PAPPA: variants seen among roughly 807,000 people sequenced by gnomAD.
PAPPA encodes the protein pappalysin 1, also known as pappalysin-1.
Under a neutral mutation model 164.0 loss-of-function variants are expected in PAPPA, and 60 were observed. That is an observed-to-expected ratio of 0.37 (90% confidence interval 0.30 to 0.45). The LOEUF (loss-of-function observed/expected upper bound fraction) is 0.45. Among genes scored for constraint, PAPPA ranks in the 20% least tolerant of loss-of-function variants. The pLI, the probability that PAPPA is intolerant of heterozygous loss-of-function variation, is 1.00. For missense variants in PAPPA, 1,782 were observed against 2,087.3 expected, an observed-to-expected ratio of 0.85 and a Z score of 2.85; for synonymous variants, 875 against 814.1, an observed-to-expected ratio of 1.07 and a Z score of -1.27.
At chr9:116,380,333 G>T (rs546618322) in intron 20 of PAPPA, among the ~76,000 whole-genome samples, 1 of 152,282 alleles carries the variant, frequency 6.6e-6, no homozygotes, top group South Asian at 2.1e-4. Context: ...TGGATAGGTG[G>T]ATGAAAGGAT....
chr9:116,220,223 C>A (rs1471471218), intron 5 of PAPPA, 94 bp downstream of exon 5: 8 of 956,092 alleles, frequency 8.4e-6, no homozygotes, highest in African/African-American at 1.6e-5. Context: ...AGGGATTTTA[C>A]TGCATTTCTT....
intron 19 of PAPPA, among the ~76,000 whole-genome samples, chr9:116,368,969 C>T (rs1223844320): frequency 2.0e-5 from 3 of 152,156 alleles, no homozygotes; most frequent in Admixed American, 6.5e-5. Flanking sequence ...TGCTCCTCCA[C>T]TCCTTTCTGC....
chr9:116,269,836 A>G (rs1051484034), intron 8 of PAPPA, among the ~76,000 whole-genome samples: 2 of 152,206 alleles, frequency 1.3e-5, no homozygotes, highest in African/African-American at 4.8e-5. Context: ...GGCAATTTCC[A>G]GCAAGCAAGA....
At chr9:116,326,392 T>G (rs1845920866) in intron 10 of PAPPA, among the ~76,000 whole-genome samples, 1 of 152,138 alleles carries the variant, frequency 6.6e-6, no homozygotes, top group Non-Finnish European at 1.5e-5. Context: ...GAATAAGGGC[T>G]GGGGAAGCTG....
intron 7 of PAPPA, among the ~76,000 whole-genome samples, chr9:116,242,556 T>G (rs1294793338): frequency 6.6e-6 from 1 of 152,220 alleles, no homozygotes; most frequent in Non-Finnish European, 1.5e-5. Flanking sequence ...CTGCAGGTAA[T>G]TTAGCCATAC....
intron 2 of PAPPA, among the ~76,000 whole-genome samples, chr9:116,202,442 G>A (rs574004729): frequency 6.6e-6 from 1 of 152,122 alleles, no homozygotes; most frequent in African/African-American, 2.4e-5. Context: ...TGCACTCATG[G>A]CTTTGAAATG....
intron 2 of PAPPA, among the ~76,000 whole-genome samples, chr9:116,199,268 G>T (rs148634903): frequency 6.6e-6 from 1 of 152,322 alleles, no homozygotes; most frequent in African/African-American, 2.4e-5. Context: ...ACTCAGCAAA[G>T]GACATGCCGT....
chr9:116,305,473 A>T lies in PAPPA; in HGVS notation c.3147+2523A>T, dbSNP rs74308262. Among the ~76,000 whole-genome samples the T allele has an allele frequency of 8.9e-3, 72 of 8,116 alleles. No individual in the cohort carries two copies. The South Asian group carries it at 0.22, about 24-fold the overall frequency. The allele number at this position is 8,116 out of a possible 152,430, so 5.3% of individuals were successfully genotyped here. A position where few individuals can be genotyped will look rare whatever the true frequency, so the allele number is the denominator to read the frequency against. ...TCTCCCTCTTCTCTCTCTCTCTCTC[A>T]CACACACACACACACACATACATAC... On this transcript the variant is annotated intron_variant, in intron 10 of 21. Transcript: ENST00000328252.
chr9:116,382,798 G>A (rs1372875691), intron 21 of PAPPA, among the ~76,000 whole-genome samples: 1 of 152,006 alleles, frequency 6.6e-6, no homozygotes, highest in East Asian at 1.9e-4. Flanking sequence ...CTAGGCAAGG[G>A]GTCAGAGAAG....
chr9:116,231,779 G>T (rs867332172), intron 6 of PAPPA, among the ~76,000 whole-genome samples: 33 of 1,496 alleles, frequency 0.022, no homozygotes, highest in Non-Finnish European at 0.048. Context: ...TTTTTTTTTT[G>T]AGATGGAGTT....
At position 116,187,912 on chromosome 9, in the gene PAPPA, T is replaced by G; in HGVS notation, c.1174T>G (p.Ser392Ala). The change falls in exon 2 of 22, where the codon TCC (serine) becomes GCC (alanine). Residue 392 changes from serine to alanine, a missense_variant. Coordinates refer to ENST00000328252, the MANE Select transcript of PAPPA (RefSeq NM_002581.5). The surrounding 1 kb of genome is among the most constrained non-coding windows in gnomAD (Gnocchi z 4.2). Reference sequence around the variant, plus strand: ...TGAGGCCTTCAAGCAATACAACATCTCCTGGGAGCTGGACGTGCTGGAGGT... The same window carrying G: ...TGAGGCCTTCAAGCAATACAACATCGCCTGGGAGCTGGACGTGCTGGAGGT... Reference protein sequence around the residue: ...LAEAFKQYNISWELDVLEVSN... With the variant: ...LAEAFKQYNIAWELDVLEVSN... The G allele has an allele frequency of 6.2e-7, 1 of 1,614,042 alleles. No homozygotes were observed. Among genetic ancestry groups the G allele is most frequent in the East Asian group, 2.2e-5 (1 of 44,878 alleles).
intron 7 of PAPPA, among the ~76,000 whole-genome samples, chr9:116,240,204 A>G (rs775516560): frequency 2.6e-5 from 4 of 152,206 alleles, no homozygotes; most frequent in Non-Finnish European, 5.9e-5. Context: ...TTCACTGGGT[A>G]TCTATTAGGT....
intron 1 of PAPPA, among the ~76,000 whole-genome samples, chr9:116,164,098 T>C (rs1843696431): frequency 6.6e-6 from 1 of 152,274 alleles, no homozygotes; most frequent in Middle Eastern, 3.4e-3. Context: ...TCCAGACAAA[T>C]TCCTGGACTT....
At position 116,334,559 on chromosome 9, in the gene PAPPA, T is replaced by A. The variant is rs368471655; in HGVS notation, c.3398-302T>A. 1.5e-3 allele frequency among the ~76,000 whole-genome samples: 215 copies of A among 142,968 alleles called. 1 individual carries two copies. The highest frequency in any genetic ancestry group is 5.5e-3 in the African/African-American group (210 of 37,884). 93.8% of individuals were successfully genotyped at this position (142,968 alleles called of 152,430 possible). On this transcript the variant is annotated intron_variant, in intron 12 of 21. Coordinates refer to ENST00000328252, the MANE Select transcript of PAPPA (RefSeq NM_002581.5). The stretch of plus-strand genomic sequence containing the variant: ...GCCCTACAGCAATGTGGGAGGGAGG[T>A]GAGGGCCTGGGATGCTTGGCTGAGG...
chr9:116,173,712 A>G (rs1175800311), intron 1 of PAPPA, among the ~76,000 whole-genome samples: 1 of 152,196 alleles, frequency 6.6e-6, no homozygotes, highest in African/African-American at 2.4e-5. Context: ...ACCTTGTGCT[A>G]GAAAGTCTTT....
intron 7 of PAPPA, among the ~76,000 whole-genome samples, chr9:116,239,333 A>G (rs1427310754): frequency 1.3e-5 from 2 of 152,186 alleles, no homozygotes. Context: ...CAACTCTGCT[A>G]CAAACTCACC....
intron 21 of PAPPA, among the ~76,000 whole-genome samples, chr9:116,393,651 T>G (rs1214960024): frequency 6.6e-6 from 1 of 152,118 alleles, no homozygotes; most frequent in African/African-American, 2.4e-5. Flanking sequence ...AAAACCACAA[T>G]TATTTTTGCA....
chr9:116,355,077 T>TGCCCCTC (rs1846335453), intron 17 of PAPPA, among the ~76,000 whole-genome samples: 1 of 152,212 alleles, frequency 6.6e-6, no homozygotes, highest in Non-Finnish European at 1.5e-5. Flanking sequence ...CCGGGCTCCG[T>TGCCCCTC]GCCCCTCCTC....
At chr9:116,378,605 CAG>C (rs527499018) in intron 20 of PAPPA, among the ~76,000 whole-genome samples, 68 of 152,300 alleles carry the variant, frequency 4.5e-4, no homozygotes, top group African/African-American at 1.6e-3. Context: ...AATGGGTAAA[CAG>C]AGACCCAGGC....
Sources: allele counts gnomAD v4.1 joint callset (sites outside exome capture counted in the v4.1 genomes callset), GRCh38; gene constraint gnomAD v4.1.1; non-coding constraint Gnocchi (gnomAD v3.1); transcripts MANE v1.5; gene names NCBI Gene and HGNC (gene_info 2026-07-23, HGNC 2026-07-21).